Variants in OR2C1 observed in about 807,000 individuals in gnomAD.
The protein encoded by OR2C1 is olfactory receptor 2C1.
For synonymous variants in OR2C1, 209 were observed against 167.3 expected (o/e 1.25, Z -1.92); for missense variants, 468 against 388.3 (o/e 1.21, Z -1.73).
upstream of OR2C1, among the ~76,000 whole-genome samples, chr16:3,353,374 C>T (rs1036529208): frequency 3.3e-5 from 5 of 151,286 alleles, no homozygotes; most frequent in African/African-American, 9.7e-5. Flanking sequence ...ACCTGTAGTC[C>T]CAGCTACTTG....
At chr16:3,347,455 C>T in the OR2C1 span, among the ~76,000 whole-genome samples, 1 of 151,562 alleles carries the variant, frequency 6.6e-6, no homozygotes, top group African/African-American at 2.4e-5. Context: ...GATATTCAAA[C>T]AACACACATA....
upstream of OR2C1, among the ~76,000 whole-genome samples, chr16:3,352,891 A>G (rs1413846527): frequency 1.3e-5 from 2 of 151,576 alleles, no homozygotes; most frequent in Non-Finnish European, 2.9e-5. Flanking sequence ...ACAGACATGT[A>G]GCACCACGCC....
chr16:3,339,992 G>C, the OR2C1 span, among the ~76,000 whole-genome samples: 12 of 151,980 alleles, frequency 7.9e-5, no homozygotes, highest in South Asian at 2.1e-4. Flanking sequence ...TTAAAAATGA[G>C]TTGTGGCTGG....
the OR2C1 span, chr16:3,323,110 A>T: frequency 2.5e-4 from 136 of 543,466 alleles, no homozygotes; most frequent in Admixed American, 2.4e-3. Context: ...GATACTTGAT[A>T]AAAAAAATCT....
At chr16:3,323,074 A>C in the OR2C1 span, 3 of 548,002 alleles carry the variant, frequency 5.5e-6, no homozygotes, top group Non-Finnish European at 8.3e-6. Flanking sequence ...CAGTTTTTGA[A>C]GATAAAGCAG....
upstream of OR2C1, among the ~76,000 whole-genome samples, chr16:3,351,699 C>T (rs987175602): frequency 2.0e-5 from 3 of 152,258 alleles, 1 homozygote; most frequent in Admixed American, 2.0e-4. Flanking sequence ...GCTTACTCCC[C>T]AGCCCTTACA....
chr16:3,332,835 A>C, the OR2C1 span, among the ~76,000 whole-genome samples: 1 of 152,106 alleles, frequency 6.6e-6, no homozygotes, highest in Non-Finnish European at 1.5e-5. Flanking sequence ...GTTGCAATAA[A>C]CATGGGAACT....
At chr16:3,343,660 G>T in the OR2C1 span, among the ~76,000 whole-genome samples, 3 of 152,196 alleles carry the variant, frequency 2.0e-5, no homozygotes, top group Non-Finnish European at 4.4e-5. Context: ...GCTAAGCAGG[G>T]AGAATTGCTT....
the OR2C1 span, among the ~76,000 whole-genome samples, chr16:3,330,232 G>C: frequency 1.3e-5 from 2 of 151,126 alleles, no homozygotes; most frequent in East Asian, 3.9e-4. Flanking sequence ...TCAACCTCCC[G>C]AGTAGCTGGG....
At chr16:3,331,088 G>C in the OR2C1 span, among the ~76,000 whole-genome samples, 1 of 152,184 alleles carries the variant, frequency 6.6e-6, no homozygotes. Context: ...TCTAACTGGT[G>C]TGAGATGGTA....
the OR2C1 span, among the ~76,000 whole-genome samples, chr16:3,331,283 A>G: frequency 6.6e-6 from 1 of 152,104 alleles, no homozygotes; most frequent in Non-Finnish European, 1.5e-5. Flanking sequence ...GATTCTGGAT[A>G]TCAGCCCTTT....
chr16:3,356,753 C>A lies in OR2C1; in HGVS notation c.813C>A (p.Gly271=). 5 of 1,613,490 alleles carry A rather than the reference C, an allele frequency of 3.1e-6. No individual in the cohort carries two copies. The highest frequency in any genetic ancestry group is 4.2e-6 in the Non-Finnish European group (5 of 1,179,682). Residue 271 remains glycine (G), a synonymous_variant, in exon 1 of 1, where the codon GGC becomes GGA. Transcript: ENST00000304936. ...CCAAGAACAGCAAACAGGACCAGGG[C>A]AAGTTCATTTCCCTGTTCTACTCGT... is the stretch of plus-strand genomic sequence containing the variant. ...LPAKNSKQDQ[G]KFISLFYSLV...
chr16:3,356,117 G>T lies in OR2C1; in HGVS notation c.177G>T (p.Met59Ile). ...TGGAGGCCCGGCTCCATACACCCAT[G>T]TACTTCTTCCTCAGCAACCTCTCCT... ...SRLEARLHTPMYFFLSNLSSL... is the reference protein window; with the variant it reads ...SRLEARLHTPIYFFLSNLSSL... Residue 59 changes from methionine (M) to isoleucine (I), a missense_variant, in exon 1 of 1, where the codon ATG (methionine) becomes ATT (isoleucine). Transcript: ENST00000304936. The T allele has an allele frequency of 1.2e-6, 2 of 1,614,156 alleles. No homozygotes were observed. The highest frequency in any genetic ancestry group is 1.7e-6 in the Non-Finnish European group (2 of 1,180,026).
the OR2C1 span, chr16:3,323,109 TA>T: frequency 1.5e-5 from 8 of 548,842 alleles, no homozygotes; most frequent in African/African-American, 4.0e-5. Flanking sequence ...AGATACTTGA[TA>T]AAAAAAATCT....
the OR2C1 span, among the ~76,000 whole-genome samples, chr16:3,331,011 A>G: frequency 6.6e-6 from 1 of 152,152 alleles, no homozygotes; most frequent in Non-Finnish European, 1.5e-5. Flanking sequence ...CAATAGTGTA[A>G]AAGTGTTGCT....
At chr16:3,338,544 T>G in the OR2C1 span, among the ~76,000 whole-genome samples, 9 of 75,576 alleles carry the variant, frequency 1.2e-4, no homozygotes, top group East Asian at 2.9e-3. Context: ...GTACCTTTTT[T>G]TTTTTTTTTT....
At chr16:3,330,709 A>G in the OR2C1 span, among the ~76,000 whole-genome samples, 2 of 152,162 alleles carry the variant, frequency 1.3e-5, no homozygotes, top group Non-Finnish European at 2.9e-5. Flanking sequence ...TATTTTCTTT[A>G]TGCTAAGAAC....
At chr16:3,348,912 C>T in the OR2C1 span, among the ~76,000 whole-genome samples, 1 of 152,112 alleles carries the variant, frequency 6.6e-6, no homozygotes, top group East Asian at 1.9e-4. Context: ...GGGACTCCCC[C>T]TCTCTGCCCT....
chr16:3,334,643 G>T, the OR2C1 span, among the ~76,000 whole-genome samples: 1 of 151,146 alleles, frequency 6.6e-6, no homozygotes, highest in Middle Eastern at 3.4e-3. Context: ...CCTTCCCATT[G>T]TATATTCTTG....
Sources: allele counts gnomAD v4.1 joint callset (sites outside exome capture counted in the v4.1 genomes callset), GRCh38; gene constraint gnomAD v4.1.1; transcripts MANE v1.5; gene names NCBI Gene and HGNC (gene_info 2026-07-23, HGNC 2026-07-21).